The following GRM5 variants were observed in gnomAD, a reference collection of about 807,000 sequenced individuals.
GRM5 encodes glutamate metabotropic receptor 5, also known as metabotropic glutamate receptor 5.
GRM5 carries 19 observed loss-of-function variants against 83.1 expected under a neutral mutation model. The observed-to-expected ratio is 0.23, with a 90% confidence interval of 0.16 to 0.34. The LOEUF (loss-of-function observed/expected upper bound fraction) is 0.34, where lower values mean the gene tolerates loss of function less well. GRM5 is among the 10% of genes least tolerant of loss of function. The pLI, the probability that GRM5 is intolerant of heterozygous loss-of-function variation, is 1.00. For synonymous variants in GRM5, 675 were observed against 633.6 expected (o/e 1.07, Z -0.98); for missense variants, 1,160 against 1,588.3 (o/e 0.73, Z 4.58).
intron 8 of GRM5, among the ~76,000 whole-genome samples, chr11:88,554,972 G>A (rs552250730): frequency 7.2e-5 from 11 of 152,252 alleles, no homozygotes; most frequent in African/African-American, 2.4e-4. Context: ...CAAACAGGAA[G>A]GAGGGAACAA....
At chr11:88,991,526 T>C (rs944117594) in intron 2 of GRM5, among the ~76,000 whole-genome samples, 45 of 151,230 alleles carry the variant, frequency 3.0e-4, no homozygotes, top group African/African-American at 1.0e-3. Context: ...AAAGTTCATA[T>C]GGAACCAAAA....
chr11:88,917,039 G>A (rs1382795507), intron 2 of GRM5, among the ~76,000 whole-genome samples: 1 of 152,182 alleles, frequency 6.6e-6, no homozygotes, highest in South Asian at 2.1e-4. Flanking sequence ...GCAAGACCCA[G>A]TACTGTGCTA....
Position 89,045,865 on chromosome 11 carries a change from C to T in GRM5, c.661+1347G>A, listed in dbSNP as rs553234417. Among the ~76,000 whole-genome samples the T allele has an allele frequency of 5.4e-4, 82 of 152,280 alleles. 1 individual carries two copies. Among genetic ancestry groups the T allele is most frequent in the Middle Eastern group, 3.4e-3 (1 of 294 alleles). Reference sequence around the variant, plus strand: ...ATTTTCTTATGCTTTTCACTGAAAGCCATCCCTGCTAATTTTCACCAATTG... The same window carrying T: ...ATTTTCTTATGCTTTTCACTGAAAGTCATCCCTGCTAATTTTCACCAATTG... On this transcript the variant is annotated intron_variant, in intron 2 of 9. Coordinates refer to ENST00000305447, the MANE Select transcript of GRM5 (RefSeq NM_001143831.3).
intron 2 of GRM5, among the ~76,000 whole-genome samples, chr11:88,913,858 A>ATT (rs768408900): frequency 6.6e-6 from 1 of 152,084 alleles, no homozygotes; most frequent in Non-Finnish European, 1.5e-5. Context: ...AAGTGCTAGA[A>ATT]TTACAGGTGT....
intron 2 of GRM5, among the ~76,000 whole-genome samples, chr11:88,930,026 A>T (rs1937652920): frequency 6.6e-6 from 1 of 152,160 alleles, no homozygotes; most frequent in Non-Finnish European, 1.5e-5. Context: ...TCATCTCTCC[A>T]AACGTTTTTT....
intron 2 of GRM5, among the ~76,000 whole-genome samples, chr11:89,045,185 A>T (rs1490979977): frequency 6.6e-6 from 1 of 152,164 alleles, no homozygotes; most frequent in Non-Finnish European, 1.5e-5. Context: ...TGAATTTGGC[A>T]TTGCAATTTC....
chr11:88,523,032 C>A (rs1941747678), intron 9 of GRM5: 1 of 152,184 alleles, frequency 6.6e-6, no homozygotes, highest in Non-Finnish European at 1.5e-5. Flanking sequence ...CCCTCATTCT[C>A]AATTAAGACA....
intron 4 of GRM5, among the ~76,000 whole-genome samples, chr11:88,640,161 A>G (rs917926425): frequency 2.0e-5 from 3 of 152,202 alleles, no homozygotes; most frequent in Non-Finnish European, 4.4e-5. Flanking sequence ...AATGGGTATT[A>G]AGCCAATAGT....
chr11:89,023,646 C>T (rs536294110), intron 2 of GRM5, among the ~76,000 whole-genome samples: 3 of 151,422 alleles, frequency 2.0e-5, no homozygotes, highest in East Asian at 3.9e-4. Flanking sequence ...GAGTTCAATA[C>T]CAGCCTGGCC....
chr11:88,806,487 A>T (rs1470759634), intron 3 of GRM5, among the ~76,000 whole-genome samples: 1 of 152,196 alleles, frequency 6.6e-6, no homozygotes, highest in Non-Finnish European at 1.5e-5. Context: ...ATGAGTTCGA[A>T]TTCCTTTGGT....
intron 2 of GRM5, among the ~76,000 whole-genome samples, chr11:88,894,114 T>C (rs1456441721): frequency 6.6e-6 from 1 of 151,968 alleles, no homozygotes; most frequent in Non-Finnish European, 1.5e-5. Flanking sequence ...TAGCTATGTG[T>C]ACTCTAAGGA....
intron 3 of GRM5, among the ~76,000 whole-genome samples, chr11:88,675,160 T>G (rs761647068): frequency 6.6e-6 from 1 of 151,988 alleles, no homozygotes; most frequent in Non-Finnish European, 1.5e-5. Context: ...TGATCCTACA[T>G]GTGGGAAAGA....
chr11:88,701,541 T>C (rs759744781), intron 3 of GRM5, among the ~76,000 whole-genome samples: 3 of 152,134 alleles, frequency 2.0e-5, no homozygotes, highest in Non-Finnish European at 4.4e-5. Flanking sequence ...CAAACTTGCT[T>C]TGTATATTTT....
At chr11:88,981,307 A>G (rs1202281437) in intron 2 of GRM5, among the ~76,000 whole-genome samples, 1 of 152,198 alleles carries the variant, frequency 6.6e-6, no homozygotes, top group Non-Finnish European at 1.5e-5. Context: ...ACATTAGGTA[A>G]TTTATCTAGT....
At chr11:88,843,675 T>C (rs573089287) in intron 3 of GRM5, among the ~76,000 whole-genome samples, 1 of 152,172 alleles carries the variant, frequency 6.6e-6, no homozygotes, top group Non-Finnish European at 1.5e-5. Flanking sequence ...ATGATTATAC[T>C]TAATGAGGAA....
intron 7 of GRM5, 148 bp downstream of exon 7, chr11:88,590,453 A>G (rs1346068727): frequency 1.6e-6 from 1 of 641,932 alleles, no homozygotes; most frequent in African/African-American, 1.8e-5. Flanking sequence ...AGTAGCTCAG[A>G]CTTTGGGAAG....
At chr11:88,729,048 A>T (rs1250779949) in intron 3 of GRM5, among the ~76,000 whole-genome samples, 1 of 152,186 alleles carries the variant, frequency 6.6e-6, no homozygotes, top group African/African-American at 2.4e-5. Flanking sequence ...GAAAGAAATA[A>T]AAGGTATTCA....
chr11:88,657,845 A>G (rs533353300), intron 3 of GRM5, among the ~76,000 whole-genome samples: 1 of 152,288 alleles, frequency 6.6e-6, no homozygotes, highest in South Asian at 2.1e-4. Context: ...TAGTCCCAGT[A>G]TCTCACTGGT....
At chr11:88,645,344 GA>G (rs935984652) in intron 4 of GRM5, among the ~76,000 whole-genome samples, 66 of 152,106 alleles carry the variant, frequency 4.3e-4, no homozygotes, top group African/African-American at 1.5e-3. Flanking sequence ...GGAGCGATTA[GA>G]AACCATGAGA....
Sources: allele counts gnomAD v4.1 joint callset (sites outside exome capture counted in the v4.1 genomes callset), GRCh38; gene constraint gnomAD v4.1.1; transcripts MANE v1.5; gene names NCBI Gene and HGNC (gene_info 2026-07-23, HGNC 2026-07-21).